Variants in AFF2 observed in about 807,000 individuals in gnomAD.
AFF2 encodes the protein ALF transcription elongation factor 2.
Under a neutral mutation model 76.9 loss-of-function variants are expected in AFF2, and 14 were observed. The observed-to-expected ratio is 0.18, with a 90% CI of 0.12 to 0.28. AFF2 has a LOEUF of 0.28. Among genes scored for constraint, AFF2 ranks in the 10% least tolerant of loss-of-function variants. AFF2 has a pLI of 1.00. For synonymous variants in AFF2, 398 were observed against 366.7 expected (o/e 1.09, Z -0.98); for missense variants, 868 against 1,001.1 (o/e 0.87, Z 1.79).
At chrX:148,770,632 G>A (rs782777385) in intron 3 of AFF2, among the ~76,000 whole-genome samples, 6 of 111,742 alleles carry the variant, frequency 5.4e-5, no homozygotes, top group African/African-American at 1.9e-4. Flanking sequence ...GGCTCCTGTC[G>A]TCTGGAAGGG....
intron 3 of AFF2, among the ~76,000 whole-genome samples, chrX:148,761,365 G>A (rs1056814930): frequency 9.1e-6 from 1 of 110,249 alleles, no homozygotes; most frequent in Admixed American, 9.7e-5. Context: ...TGTACTTGTC[G>A]CTTAGGCCTG....
At chrX:148,707,393 C>A (rs1251451153) in intron 3 of AFF2, among the ~76,000 whole-genome samples, 3 of 111,051 alleles carry the variant, frequency 2.7e-5, no homozygotes, top group Non-Finnish European at 5.7e-5. Context: ...AGAATAGAAT[C>A]TTTTTGGCAC....
chrX:148,647,913 G>A (rs1467517366), intron 1 of AFF2, among the ~76,000 whole-genome samples: 3 of 111,477 alleles, frequency 2.7e-5, no homozygotes, highest in East Asian at 2.8e-4. Context: ...ACCACTGTGC[G>A]CTAATGAAGA....
intron 3 of AFF2, among the ~76,000 whole-genome samples, chrX:148,764,710 C>A (rs1414965240): frequency 1.8e-5 from 2 of 112,098 alleles, no homozygotes; most frequent in Non-Finnish European, 3.8e-5. Context: ...GTTCACTTGG[C>A]ATGTATGAAA....
intron 1 of AFF2, among the ~76,000 whole-genome samples, chrX:148,566,045 T>C (rs782653284): frequency 3.7e-4 from 41 of 112,027 alleles, no homozygotes; most frequent in African/African-American, 1.3e-3. Context: ...GTAATTTTAA[T>C]TTCCTAATTG....
chrX:148,860,707 A>C (rs1557276336), intron 7 of AFF2, among the ~76,000 whole-genome samples: 1 of 112,146 alleles, frequency 8.9e-6, no homozygotes, highest in African/African-American at 3.2e-5. Context: ...GTGAAACCAC[A>C]CAAGAACATT....
intron 3 of AFF2, among the ~76,000 whole-genome samples, chrX:148,686,347 C>G (rs781935348): frequency 5.4e-5 from 6 of 111,765 alleles, no homozygotes; most frequent in Non-Finnish European, 9.4e-5. Context: ...GTTCTTCTGA[C>G]TCTCACATAA....
chrX:148,649,905 G>A (rs1481575836), intron 1 of AFF2, among the ~76,000 whole-genome samples: 2 of 111,559 alleles, frequency 1.8e-5, no homozygotes, highest in Non-Finnish European at 3.8e-5. Flanking sequence ...TTAGCTGTCA[G>A]GTGCACAAAA....
intron 2 of AFF2, among the ~76,000 whole-genome samples, chrX:148,659,384 C>T (rs1483081510): frequency 1.8e-5 from 2 of 112,222 alleles, no homozygotes; most frequent in African/African-American, 3.2e-5. Context: ...TTCTTGAGTC[C>T]TGATTGTGTT....
intron 9 of AFF2, among the ~76,000 whole-genome samples, chrX:148,917,998 G>A (rs1557282816): frequency 6.3e-5 from 7 of 111,423 alleles, no homozygotes; most frequent in Non-Finnish European, 3.8e-5. Flanking sequence ...CTCCTCCCTC[G>A]GGGGTTGCGC....
chrX:148,644,630 A>T (rs782691483), intron 1 of AFF2, among the ~76,000 whole-genome samples: 184 of 112,304 alleles, frequency 1.6e-3, no homozygotes, highest in Non-Finnish European at 2.9e-3. Flanking sequence ...TTCCCAACAT[A>T]TACCAGCAAT....
At chrX:148,870,890 G>T (rs1557277285) in intron 7 of AFF2, among the ~76,000 whole-genome samples, 2 of 111,800 alleles carry the variant, frequency 1.8e-5, no homozygotes, top group South Asian at 3.8e-4. Flanking sequence ...ACAGGGACAA[G>T]GCATCCTCCC....
chrX:148,549,393 C>G (rs1557238597), intron 1 of AFF2, among the ~76,000 whole-genome samples: 1 of 112,273 alleles, frequency 8.9e-6, no homozygotes, highest in African/African-American at 3.2e-5. Flanking sequence ...TCTTCTTATT[C>G]AGTTTGCACA....
intron 7 of AFF2, among the ~76,000 whole-genome samples, chrX:148,863,565 T>A (rs1414267831): frequency 8.9e-6 from 1 of 112,077 alleles, no homozygotes; most frequent in East Asian, 2.8e-4. Context: ...AGTAGCAACA[T>A]GTACTTTTTC....
chrX:148,941,592 C>T (rs952343200), intron 9 of AFF2, among the ~76,000 whole-genome samples: 2 of 111,828 alleles, frequency 1.8e-5, no homozygotes, highest in Non-Finnish European at 3.8e-5. Flanking sequence ...GTACACTCTG[C>T]GACCCATCAA....
intron 1 of AFF2, among the ~76,000 whole-genome samples, chrX:148,627,166 T>A (rs1488387874): frequency 8.9e-6 from 1 of 112,291 alleles, no homozygotes; most frequent in Non-Finnish European, 1.9e-5. Context: ...AGCTATACCA[T>A]GATCCCGCCA....
At chrX:148,930,597 T>C (rs1557284283) in intron 9 of AFF2, among the ~76,000 whole-genome samples, 4 of 112,416 alleles carry the variant, frequency 3.6e-5, no homozygotes, top group Non-Finnish European at 7.5e-5. Context: ...AATGCTCTGT[T>C]CTCCATCCCC....
At chrX:148,762,420 T>TATAC (rs1225408056) in intron 3 of AFF2, among the ~76,000 whole-genome samples, 1 of 101,121 alleles carries the variant, frequency 9.9e-6, no homozygotes, top group African/African-American at 4.5e-5. Flanking sequence ...TATATATATA[T>TATAC]ACACATGCAC....
intron 1 of AFF2, among the ~76,000 whole-genome samples, chrX:148,532,262 G>A (rs2052738328): frequency 8.9e-6 from 1 of 112,166 alleles, no homozygotes; most frequent in African/African-American, 3.2e-5. Context: ...TGCAAATTGA[G>A]TAGCAATTAA....
Sources: allele counts gnomAD v4.1 joint callset (sites outside exome capture counted in the v4.1 genomes callset), GRCh38; gene constraint gnomAD v4.1.1; transcripts MANE v1.5; gene names NCBI Gene and HGNC (gene_info 2026-07-23, HGNC 2026-07-21).